The following BTBD9 variants were observed in gnomAD, a reference collection of about 807,000 sequenced individuals.
BTBD9 encodes BTB domain containing 9.
A neutral mutation model predicts 64.3 loss-of-function variants in BTBD9; 49 were observed. The ratio of observed to expected loss-of-function variants is 0.76; its 90% CI spans 0.61 to 0.97. BTBD9 has a LOEUF of 0.97. Ranked by LOEUF, BTBD9 falls within the 50% of genes least tolerant of loss-of-function variation. BTBD9 has a pLI of 0.00. For missense variants in BTBD9, 598 were observed against 762.1 expected (o/e 0.78, Z 2.53); for synonymous variants, 260 against 274.7 (o/e 0.95, Z 0.53).
chr6:38,567,061 A>G (rs760471957), intron 6 of BTBD9, among the ~76,000 whole-genome samples: 2 of 152,248 alleles, frequency 1.3e-5, no homozygotes, highest in Non-Finnish European at 2.9e-5. Context: ...AAAAGAAGGA[A>G]AAACGTCTTT....
chr6:38,374,297 G>GTATATATA (rs1468972879), intron 6 of BTBD9, among the ~76,000 whole-genome samples: 6 of 53,722 alleles, frequency 1.1e-4, no homozygotes, highest in African/African-American at 3.5e-4. Context: ...ATATATATAT[G>GTATATATA]TATATATATG....
At chr6:38,550,116 A>T (rs1014707495) in intron 6 of BTBD9, among the ~76,000 whole-genome samples, 3 of 152,080 alleles carry the variant, frequency 2.0e-5, no homozygotes, top group African/African-American at 7.2e-5. Context: ...CTTGGACGTT[A>T]GACATATATT....
intron 7 of BTBD9, among the ~76,000 whole-genome samples, chr6:38,342,022 G>C (rs536091484): frequency 6.6e-6 from 1 of 152,308 alleles, no homozygotes; most frequent in African/African-American, 2.4e-5. Context: ...GGTGGGAAAA[G>C]AAGACTAAAA....
At chr6:38,302,491 A>G (rs1459822980) in intron 7 of BTBD9, among the ~76,000 whole-genome samples, 794 of 31,878 alleles carry the variant, frequency 0.025, 17 homozygotes, top group African/African-American at 0.077. Flanking sequence ...GTATGTATAT[A>G]TATATATATA....
chr6:38,270,775 G>C (rs9470847), intron 8 of BTBD9, among the ~76,000 whole-genome samples: 107,374 of 152,106 alleles, frequency 0.71, 38,625 homozygotes, highest in African/African-American at 0.84. Flanking sequence ...ACAAAGGGTT[G>C]CAATGACTCT....
chr6:38,602,939 TC>T (rs1391140084), intron 1 of BTBD9, among the ~76,000 whole-genome samples: 1 of 152,058 alleles, frequency 6.6e-6, no homozygotes, highest in Non-Finnish European at 1.5e-5. Context: ...ATCTGATATA[TC>T]CCAACTAAAG....
chr6:38,200,269 A>C (rs1189885107), intron 9 of BTBD9, among the ~76,000 whole-genome samples: 1 of 152,272 alleles, frequency 6.6e-6, no homozygotes, highest in Non-Finnish European at 1.5e-5. Context: ...CTGCAAAAGC[A>C]GTACTCAGAG....
intron 6 of BTBD9, among the ~76,000 whole-genome samples, chr6:38,577,123 A>G (rs1321735736): frequency 6.6e-6 from 1 of 152,196 alleles, no homozygotes; most frequent in Non-Finnish European, 1.5e-5. Flanking sequence ...GTTAACCACT[A>G]ACCTAAAGGA....
intron 6 of BTBD9, among the ~76,000 whole-genome samples, chr6:38,408,583 G>A (rs1767274909): frequency 6.6e-6 from 1 of 152,154 alleles, no homozygotes; most frequent in Admixed American, 6.5e-5. Flanking sequence ...AGATATAGTT[G>A]TTAAGGTCAC....
intron 6 of BTBD9, among the ~76,000 whole-genome samples, chr6:38,560,446 C>G (rs1426955767): frequency 6.6e-6 from 1 of 152,044 alleles, no homozygotes; most frequent in South Asian, 2.1e-4. Context: ...TGTATATATG[C>G]AAAATCAAAA....
At chr6:38,465,518 C>G (rs1245680788) in intron 6 of BTBD9, among the ~76,000 whole-genome samples, 3 of 144,202 alleles carry the variant, frequency 2.1e-5, no homozygotes, top group Non-Finnish European at 3.0e-5. Flanking sequence ...GTAGTCCCAG[C>G]TACTCGGGAG....
chr6:38,351,429 G>A (rs1764502064), intron 6 of BTBD9, among the ~76,000 whole-genome samples: 1 of 151,638 alleles, frequency 6.6e-6, no homozygotes, highest in African/African-American at 2.4e-5. Flanking sequence ...CAATTATATG[G>A]AAGGGATGAG....
At position 38,216,825 on chromosome 6, in the gene BTBD9, G is replaced by A. The variant is rs1197727228; in HGVS notation, c.1563-24228C>T. Among the ~76,000 whole-genome samples, 6 of 152,196 alleles carry A rather than the reference G, an allele frequency of 3.9e-5. No homozygotes were observed. In the East Asian group the frequency reaches 9.6e-4, roughly 24 times the overall value. ...GTGTGCATCCACAAGTGATTCTGATGCACATTCTGATGCGCTATTCCAAGG... is the reference window on the plus strand; with the variant it reads ...GTGTGCATCCACAAGTGATTCTGATACACATTCTGATGCGCTATTCCAAGG... On this transcript the variant is annotated intron_variant, in intron 9 of 10. Coordinates refer to ENST00000481247, the MANE Select transcript of BTBD9 (RefSeq NM_001099272.2).
At chr6:38,356,102 TA>T (rs1181346565) in intron 6 of BTBD9, among the ~76,000 whole-genome samples, 1 of 151,978 alleles carries the variant, frequency 6.6e-6, no homozygotes. Context: ...TCTTTTTTTT[TA>T]AAAAACCATG....
chr6:38,544,289 T>C (rs1040011190), intron 6 of BTBD9, among the ~76,000 whole-genome samples: 1 of 152,088 alleles, frequency 6.6e-6, no homozygotes, highest in Admixed American at 6.5e-5. Flanking sequence ...GACTTGAGTA[T>C]CTGGGGATTT....
At position 38,344,993 on chromosome 6, in the gene BTBD9, C is replaced by T. The variant is rs758221379; in HGVS notation, c.1255G>A (p.Gly419Arg). 6.3e-7 allele frequency: 1 copy of T among 1,592,114 alleles called. No individual in the cohort carries two copies. Among genetic ancestry groups the T allele is most frequent in the Non-Finnish European group, 8.6e-7 (1 of 1,163,664 alleles). The change falls in exon 7 of 11, where the codon GGG (glycine) becomes AGG (arginine). Residue 419 changes from glycine (G) to arginine (R), a missense_variant. By Grantham distance (125) the Gly-to-Arg change is moderately radical (BLOSUM62 -2). Transcript: ENST00000481247. ...TAATGGTAATACTTACCTATCAGCC[C>T]CTTCTCAAGAGTGAAGGTTTTGTTT... is the stretch of plus-strand genomic sequence containing the variant. ...FTNKTFTLEK[G>R]LIVPMENVAT...
At chr6:38,527,263 CAAAAAAAAAAAAAAAAAA>C (rs55979438) in intron 6 of BTBD9, among the ~76,000 whole-genome samples, 18 of 53,342 alleles carry the variant, frequency 3.4e-4, no homozygotes, top group African/African-American at 8.8e-4. Context: ...GACTCTGTCT[CAAAAAAAAAAAAAAAAAA>C]AAAAAAAAAA....
intron 6 of BTBD9, among the ~76,000 whole-genome samples, chr6:38,375,760 A>G (rs550255296): frequency 6.6e-6 from 1 of 152,276 alleles, no homozygotes; most frequent in East Asian, 1.9e-4. Context: ...ACTGTGCAAC[A>G]TTAATTCTTT....
chr6:38,303,840 G>GATAT (rs70981538), intron 7 of BTBD9, among the ~76,000 whole-genome samples: 1,749 of 75,170 alleles, frequency 0.023, 42 homozygotes, highest in East Asian at 0.044. Flanking sequence ...TTAGTTGCTA[G>GATAT]ATATATATAT....
Sources: allele counts gnomAD v4.1 joint callset (sites outside exome capture counted in the v4.1 genomes callset), GRCh38; gene constraint gnomAD v4.1.1; transcripts MANE v1.5; gene names NCBI Gene and HGNC (gene_info 2026-07-23, HGNC 2026-07-21).